The following TNFSF18 variants were observed in gnomAD, a reference collection of about 807,000 sequenced individuals.
The protein encoded by TNFSF18 is TNF superfamily member 18, also known as tumor necrosis factor ligand superfamily member 18.
TNFSF18 carries 6 observed loss-of-function variants against 9.6 expected under a neutral mutation model. The observed-to-expected ratio is 0.63, with a 90% CI of 0.34 to 1.24. The LOEUF is 1.24. TNFSF18 is among the 50% of genes most tolerant of loss of function. The probability of loss-of-function intolerance (pLI) is 0.03; values close to 1 mark genes in which losing one functional copy is unlikely to be tolerated. For synonymous variants in TNFSF18, 68 were observed against 71.7 expected, an observed-to-expected ratio of 0.95 and a Z score of 0.26; for missense variants, 210 against 201.0, an observed-to-expected ratio of 1.04 and a Z score of -0.27.
At chr1:173,046,885 T>G (rs1169324005) in intron 1 of TNFSF18, among the ~76,000 whole-genome samples, 4 of 132,864 alleles carry the variant, frequency 3.0e-5, no homozygotes, top group South Asian at 3.4e-4. Context: ...TTTTTTTTGT[T>G]GTTGTTGTTG....
intron 2 of TNFSF18, among the ~76,000 whole-genome samples, chr1:173,042,370 C>G (rs1480086560): frequency 6.6e-6 from 1 of 151,990 alleles, no homozygotes; most frequent in Non-Finnish European, 1.5e-5. Flanking sequence ...TCCCTGGTAC[C>G]TGGTAGATGT....
Position 173,041,339 on chromosome 1 carries a change from A to G in TNFSF18, c.*28T>C, listed in dbSNP as rs1482297396. On this transcript the variant is annotated 3_prime_UTR_variant, in exon 3 of 3. Transcript: ENST00000404377. ...CCCACTGGCACCTCTACATGTGCTG[A>G]AGGGAATGAGGAGATCAAATCAAGT... The G allele has an allele frequency of 4.6e-6, 7 of 1,528,748 alleles. No individual in the cohort carries two copies. The highest frequency in any genetic ancestry group is 6.2e-6 in the Non-Finnish European group (7 of 1,124,656). 94.7% of individuals were successfully genotyped at this position (1,528,748 alleles called of 1,614,324 possible).
At chr1:173,041,820 A>AATGATACGGCGT in intron 2 of TNFSF18, 107 bp from the exon 3 acceptor site, 1 of 920,846 alleles carries the variant, frequency 1.1e-6, no homozygotes, top group Non-Finnish European at 1.5e-6. Flanking sequence ...TTGTTTCTTT[A>AATGATACGGCGT]CCTGATCTAC....
chr1:173,048,205 T>G (rs1234961045), intron 1 of TNFSF18, among the ~76,000 whole-genome samples: 1 of 152,194 alleles, frequency 6.6e-6, no homozygotes, highest in Non-Finnish European at 1.5e-5. Context: ...TACCACTCTG[T>G]GGGGTAAGTT....
chr1:173,041,547 A>G lies in TNFSF18; in HGVS notation c.354T>C (p.Tyr118=), dbSNP rs887311691. 3.1e-6 allele frequency: 5 copies of G among 1,613,390 alleles called. No homozygotes were observed. Among genetic ancestry groups the G allele is most frequent in the Non-Finnish European group, 2.5e-6 (3 of 1,179,632 alleles). ...GAGTTTGTATCATGTCTTTGTTTTT[A>G]TACAGCCGCACCTCAAAAGGAGCTA... ...NDVAPFEVRL[Y]KNKDMIQTLT... is the part of the protein sequence containing the mutation. The change falls in exon 3 of 3, where the codon TAT becomes TAC. Residue 118 remains tyrosine (Y), a synonymous_variant. Transcript: ENST00000404377.
rs1664962138 is a variant in TNFSF18 at position 173,039,850 on chromosome 1, T to C, written c.*1517A>G. On this transcript the variant is annotated 3_prime_UTR_variant, in exon 3 of 3. Transcript: ENST00000404377. The stretch of plus-strand genomic sequence containing the variant: ...TCCAAGTCTTTGGCCCTGTAGCTAC[T>C]CAGCAGATGTTTTTTTAAAAAGTCA... 6.6e-6 allele frequency: 1 copy of C among 151,948 alleles called. No homozygotes were observed. The highest frequency in any genetic ancestry group is 2.4e-5 in the African/African-American group (1 of 41,366). 9.4% of individuals were successfully genotyped at this position (151,948 alleles called of 1,614,324 possible).
At chr1:173,044,217 A>T (rs1665036467) in intron 1 of TNFSF18, among the ~76,000 whole-genome samples, 1 of 150,810 alleles carries the variant, frequency 6.6e-6, no homozygotes, top group Non-Finnish European at 1.5e-5. Context: ...TCATTCCATT[A>T]CCTAATCTAT....
rs149316257 is a variant in TNFSF18 at position 173,047,825 on chromosome 1, C to G, written c.156+2916G>C. On this transcript the variant is annotated intron_variant, in intron 1 of 2. Coordinates refer to ENST00000404377, the MANE Select transcript of TNFSF18 (RefSeq NM_005092.4). ...CTGTGATACTCTCTAATTATTGCCA[C>G]CACTAAAAATCCATCTAATTGCAAA... Among the ~76,000 whole-genome samples, 770 of 152,204 alleles carry G rather than the reference C, an allele frequency of 5.1e-3. 9 individuals carry two copies. The highest frequency in any genetic ancestry group is 0.012 in the African/African-American group (519 of 41,548).
At chr1:173,048,655 C>G (rs1326937552) in intron 1 of TNFSF18, among the ~76,000 whole-genome samples, 1 of 152,192 alleles carries the variant, frequency 6.6e-6, no homozygotes, top group Non-Finnish European at 1.5e-5. Context: ...AGCTTCCCAT[C>G]TAACACTTTT....
chr1:173,045,501 T>C lies in TNFSF18; in HGVS notation c.157-1532A>G, dbSNP rs148344049. Among the ~76,000 whole-genome samples the C allele has an allele frequency of 8.6e-4, 131 of 152,164 alleles. 1 individual carries two copies. The highest frequency in any genetic ancestry group is 3.0e-3 in the African/African-American group (124 of 41,516). On this transcript the variant is annotated intron_variant, in intron 1 of 2. Coordinates refer to ENST00000404377, the MANE Select transcript of TNFSF18 (RefSeq NM_005092.4). ...TGACAAAATTAGTTTCTGTGATATG[T>C]GAAGAGGGCAGAAGCTTAGTTAAAA...
At position 173,041,553 on chromosome 1, in the gene TNFSF18, C is replaced by T. The variant is rs1438356690; in HGVS notation, c.348G>A (p.Arg116=). ...NYNDVAPFEV[R]LYKNKDMIQT... is the part of the protein sequence containing the mutation. The stretch of plus-strand genomic sequence containing the variant: ...GTATCATGTCTTTGTTTTTATACAG[C>T]CGCACCTCAAAAGGAGCTACATCAT... Residue 116 remains arginine (R), a synonymous_variant, in exon 3 of 3, where the codon CGG becomes CGA. Coordinates refer to ENST00000404377, the MANE Select transcript of TNFSF18 (RefSeq NM_005092.4). The T allele has an allele frequency of 5.6e-6, 9 of 1,613,394 alleles. No individual in the cohort carries two copies. The highest frequency in any genetic ancestry group is 1.6e-4 in the Middle Eastern group (1 of 6,082).
chr1:173,047,675 A>G (rs1452611725), intron 1 of TNFSF18, among the ~76,000 whole-genome samples: 1 of 152,226 alleles, frequency 6.6e-6, no homozygotes, highest in African/African-American at 2.4e-5. Context: ...ACTAGCATGT[A>G]TGAGATGTGC....
At position 173,050,924 on chromosome 1, in the gene TNFSF18, C is replaced by T; in HGVS notation, c.-28G>A. ...TTGGAGAAATGAGAGCTGTGGAAAA[C>T]AAAAATTCACAAGTGATGGGTGAAG... On this transcript the variant is annotated 5_prime_UTR_variant, in exon 1 of 3. Transcript: ENST00000404377. The T allele has an allele frequency of 6.2e-7, 1 of 1,613,510 alleles. No individual in the cohort carries two copies. The highest frequency in any genetic ancestry group is 1.7e-5 in the Admixed American group (1 of 59,982).
chr1:173,041,279 A>C lies in TNFSF18; in HGVS notation c.*88T>G. 29 of 1,106,516 alleles carry C rather than the reference A, an allele frequency of 2.6e-5. No individual in the cohort carries two copies. The highest frequency in any genetic ancestry group is 3.4e-5 in the Non-Finnish European group (26 of 773,322). 68.5% of individuals were successfully genotyped at this position (1,106,516 alleles called of 1,614,324 possible). A position where few individuals can be genotyped will look rare whatever the true frequency, so the allele number is the denominator to read the frequency against. ...TGTGTTGATTTTTGTAGACAGACAA[A>C]CTCTAGAAATTGAATATCTTCTCCC... On this transcript the variant is annotated 3_prime_UTR_variant, in exon 3 of 3. Coordinates refer to ENST00000404377, the MANE Select transcript of TNFSF18 (RefSeq NM_005092.4).
chr1:173,039,243 TACTATGTGGAGA>T lies in TNFSF18; in HGVS notation c.*2112_*2123del, dbSNP rs1664948922. On this transcript the variant is annotated 3_prime_UTR_variant, in exon 3 of 3. Transcript: ENST00000404377. ...TTTATTATAGATTTAAAATGCAGAC[TACTATGTGGAGA>T]AACAGGAAAACAGTATACATTGAAA... Among the ~76,000 whole-genome samples the T allele has an allele frequency of 6.6e-6, 1 of 152,166 alleles. No homozygotes were observed. The highest frequency in any genetic ancestry group is 2.1e-4 in the South Asian group (1 of 4,828).
chr1:173,050,707 CA>C (rs1665156206), intron 1 of TNFSF18, 33 bp downstream of exon 1: 1 of 1,397,900 alleles, frequency 7.2e-7, no homozygotes. Context: ...AGGATTATAG[CA>C]AATAGTAACC....
Position 173,041,406 on chromosome 1 carries a change from C to T in TNFSF18, c.495G>A (p.Trp165Ter). The T allele has an allele frequency of 6.2e-7, 1 of 1,612,674 alleles. No individual in the cohort carries two copies. The highest frequency in any genetic ancestry group is 1.1e-5 in the South Asian group (1 of 90,926). ...GGGGATTTGCTAGTAAAATGATACC[C>T]CAGTATGTATTATTTTTTAGAACCT... ...EHQVLKNNTY[W>*]GIILLANPQF... Residue 165 changes from tryptophan to a stop codon, truncating the protein, a stop_gained, in exon 3 of 3, where the codon TGG (tryptophan) becomes TGA (stop). Coordinates refer to ENST00000404377, the MANE Select transcript of TNFSF18 (RefSeq NM_005092.4). LOFTEE classifies it high-confidence loss of function.
chr1:173,041,481 A>T lies in TNFSF18; in HGVS notation c.420T>A (p.Tyr140Ter), dbSNP rs963523664. Residue 140 changes from tyrosine to a stop codon, truncating the protein, a stop_gained, in exon 3 of 3, where the codon TAT becomes TAA. Coordinates refer to ENST00000404377, the MANE Select transcript of TNFSF18 (RefSeq NM_005092.4). LOFTEE classifies it low-confidence loss of function (END_TRUNC). ...KSKIQNVGGT[Y>*]ELHVGDTIDL... ...CTATGGTGTCCCCAACATGCAATTC[A>T]TAAGTCCCTCCTACATTTTGGATTT... 2 of 1,613,494 alleles carry T rather than the reference A, an allele frequency of 1.2e-6. No homozygotes were observed. Among genetic ancestry groups the T allele is most frequent in the Admixed American group, 1.7e-5 (1 of 59,918 alleles).
chr1:173,050,391 C>A (rs970669142), intron 1 of TNFSF18, among the ~76,000 whole-genome samples: 1 of 151,904 alleles, frequency 6.6e-6, no homozygotes, highest in Admixed American at 6.6e-5. Context: ...GCTTGCATCC[C>A]ATTCCTTGAT....
Sources: gnomAD v4.1 joint callset for allele counts (sites outside exome capture counted in the v4.1 genomes callset) on GRCh38, gnomAD v4.1.1 for gene constraint, MANE v1.5 for transcripts, NCBI Gene and HGNC (gene_info 2026-07-23, HGNC 2026-07-21) for gene names.